Variants in EEF2K observed in about 807,000 individuals in gnomAD.
The protein encoded by EEF2K is alternative protein EEF2K.
In EEF2K, 70 loss-of-function variants were observed where a neutral mutation model predicts 93.8. The observed-to-expected ratio is 0.75, with a 90% CI of 0.62 to 0.91. The LOEUF (loss-of-function observed/expected upper bound fraction) is 0.91, where lower values mean the gene tolerates loss of function less well. Ranked by LOEUF, EEF2K falls within the 40% of genes least tolerant of loss-of-function variation. The pLI, the probability that EEF2K is intolerant of heterozygous loss-of-function variation, is 0.00. For missense variants in EEF2K, 935 were observed against 972.9 expected, an observed-to-expected ratio of 0.96 and a Z score of 0.52; for synonymous variants, 376 against 380.8, an observed-to-expected ratio of 0.99 and a Z score of 0.15.
intron 15 of EEF2K, among the ~76,000 whole-genome samples, chr16:22,270,110 C>T (rs1266310587): frequency 6.6e-6 from 1 of 151,912 alleles, no homozygotes; most frequent in African/African-American, 2.4e-5. Flanking sequence ...GTGCCTGCCA[C>T]CAAACCCGGC....
At chr16:22,246,519 A>G (rs1304901997) in intron 3 of EEF2K, among the ~76,000 whole-genome samples, 5 of 149,060 alleles carry the variant, frequency 3.4e-5, no homozygotes, top group Non-Finnish European at 7.5e-5. Flanking sequence ...CAGTCTTAAA[A>G]AAAAAAAAAA....
intron 15 of EEF2K, among the ~76,000 whole-genome samples, chr16:22,269,358 CAT>C (rs2047554727): frequency 6.6e-6 from 1 of 152,072 alleles, no homozygotes; most frequent in South Asian, 2.1e-4. Flanking sequence ...AGACAGCAGT[CAT>C]ATAGGATTTA....
chr16:22,270,899 A>G (rs2047573165), intron 15 of EEF2K, among the ~76,000 whole-genome samples: 1 of 150,374 alleles, frequency 6.7e-6, no homozygotes, highest in African/African-American at 2.5e-5. Flanking sequence ...GTCTCTCTCT[A>G]TAATCTCTCT....
rs372225625 is a variant in EEF2K, at chr16:22,248,847, G to A, written c.408+32G>A. ...AGAGCGTTGAGCCCCGTGGGGACAG[G>A]GCTGAGCAAAGACTTTCTGCAGCTA... On this transcript the variant is annotated intron_variant, in intron 4 of 17. Transcript: ENST00000263026. The A allele has an allele frequency of 3.7e-6, 6 of 1,606,500 alleles. No homozygotes were observed. The African/African-American group carries it at 4.0e-5, about 11-fold the overall frequency.
intron 10 of EEF2K, among the ~76,000 whole-genome samples, chr16:22,259,315 G>GGA (rs2047440308): frequency 6.6e-6 from 1 of 152,190 alleles, no homozygotes; most frequent in South Asian, 2.1e-4. Flanking sequence ...AGTGTGAGCG[G>GGA]GAGCAGGCTC....
chr16:22,237,617 CA>C (rs111738704), intron 2 of EEF2K, among the ~76,000 whole-genome samples: 55 of 144,992 alleles, frequency 3.8e-4, no homozygotes, highest in Non-Finnish European at 3.5e-4. Context: ...AACCCTGTCT[CA>C]AAAAAAAAAA....
intron 3 of EEF2K, 99 bp downstream of exon 3, chr16:22,244,829 A>G: frequency 8.0e-7 from 1 of 1,252,078 alleles, no homozygotes; most frequent in Non-Finnish European, 1.1e-6. Flanking sequence ...GGTCAGGGGA[A>G]GGGAGTAATC....
intron 6 of EEF2K, among the ~76,000 whole-genome samples, chr16:22,254,196 G>T (rs542608502): frequency 3.3e-4 from 51 of 152,250 alleles, no homozygotes; most frequent in Non-Finnish European, 5.9e-4. Flanking sequence ...GTTTGAGAAG[G>T]TGCTGGTTGT....
chr16:22,219,503 C>T (rs2046992060), intron 1 of EEF2K, among the ~76,000 whole-genome samples: 3 of 152,164 alleles, frequency 2.0e-5, no homozygotes, highest in Admixed American at 6.5e-5. Context: ...GTGACACACA[C>T]CTGTAGTCCC....
chr16:22,278,822 G>A (rs1409886351), intron 16 of EEF2K, among the ~76,000 whole-genome samples: 1 of 152,130 alleles, frequency 6.6e-6, no homozygotes, highest in Non-Finnish European at 1.5e-5. Context: ...TGTGTGCCCT[G>A]GCTGGTTTGG....
At chr16:22,278,809 CTT>C (rs1368477788) in intron 16 of EEF2K, among the ~76,000 whole-genome samples, 1 of 152,124 alleles carries the variant, frequency 6.6e-6, no homozygotes, top group Non-Finnish European at 1.5e-5. Flanking sequence ...TGGCTGGAAA[CTT>C]TGTGTGCCCT....
intron 17 of EEF2K, 128 bp from the exon 18 acceptor site, chr16:22,283,759 G>T (rs2047722729): frequency 2.4e-6 from 2 of 847,726 alleles, no homozygotes; most frequent in East Asian, 2.7e-5. Flanking sequence ...GAGGGAGAGG[G>T]CACACGGAGT....
At chr16:22,274,930 T>G (rs1458411438) in intron 16 of EEF2K, among the ~76,000 whole-genome samples, 5 of 152,322 alleles carry the variant, frequency 3.3e-5, no homozygotes, top group Admixed American at 1.3e-4. Flanking sequence ...CTCTATTTTT[T>G]GGGTGACTAA....
chr16:22,239,107 A>G (rs1253562021), intron 2 of EEF2K, among the ~76,000 whole-genome samples: 2 of 145,040 alleles, frequency 1.4e-5, no homozygotes, highest in Admixed American at 6.9e-5. Flanking sequence ...AAAAAAAGTC[A>G]GTTGCATTAA....
intron 3 of EEF2K, 25 bp from the exon 4 acceptor site, chr16:22,248,730 C>T (rs202217439): frequency 1.8e-4 from 296 of 1,613,206 alleles, no homozygotes; most frequent in Non-Finnish European, 2.3e-4. Context: ...GGACGCTGTG[C>T]CCCATGGTGG....
chr16:22,216,087 C>T (rs1467276935), intron 1 of EEF2K, among the ~76,000 whole-genome samples: 1 of 152,164 alleles, frequency 6.6e-6, no homozygotes, highest in Admixed American at 6.5e-5. Flanking sequence ...GGTCCCAGCT[C>T]CTAATGGTGG....
At chr16:22,219,314 C>T (rs909961842) in intron 1 of EEF2K, among the ~76,000 whole-genome samples, 2 of 152,162 alleles carry the variant, frequency 1.3e-5, no homozygotes, top group African/African-American at 4.8e-5. Flanking sequence ...TGACCCTGCC[C>T]AGGCACCCAT....
chr16:22,228,457 C>A (rs140250087), intron 2 of EEF2K, among the ~76,000 whole-genome samples: 12,702 of 152,162 alleles, frequency 0.083, 797 homozygotes, highest in East Asian at 0.29. Context: ...CCCATCTCTA[C>A]TAAAAATACA....
chr16:22,278,286 A>C (rs2047659328), intron 16 of EEF2K, among the ~76,000 whole-genome samples: 1 of 152,250 alleles, frequency 6.6e-6, no homozygotes, highest in African/African-American at 2.4e-5. Flanking sequence ...ACTGGCAGAA[A>C]TCCATTCATG....
Sources: allele counts gnomAD v4.1 joint callset (sites outside exome capture counted in the v4.1 genomes callset), GRCh38; gene constraint gnomAD v4.1.1; transcripts MANE v1.5; gene names NCBI Gene and HGNC (gene_info 2026-07-23, HGNC 2026-07-21).